NOB1: variants seen among roughly 807,000 people sequenced by gnomAD.
NOB1 encodes NIN1 (RPN12) binding protein 1 homolog, also known as RNA-binding protein NOB1.
NOB1 carries 44 observed loss-of-function variants against 44.8 expected under a neutral mutation model. The ratio of observed to expected loss-of-function variants is 0.98; its 90% CI spans 0.77 to 1.26. The LOEUF (loss-of-function observed/expected upper bound fraction) is 1.26. Among genes scored for constraint, NOB1 ranks in the 50% most tolerant of loss-of-function variants. The pLI is 0.00. For missense variants in NOB1, 560 were observed against 544.8 expected, an observed-to-expected ratio of 1.03 and a Z score of -0.28; for synonymous variants, 238 against 218.7, an observed-to-expected ratio of 1.09 and a Z score of -0.78.
chr16:69,749,490 A>C, intron 4 of NOB1, 69 bp downstream of exon 4: 1 of 1,544,812 alleles, frequency 6.5e-7, no homozygotes, highest in Non-Finnish European at 8.9e-7. Context: ...CACTGTGAAG[A>C]GATGACTTAG....
intron 2 of NOB1, 132 bp downstream of exon 2, chr16:69,754,462 C>T: frequency 7.9e-7 from 1 of 1,272,570 alleles, no homozygotes; most frequent in Non-Finnish European, 1.1e-6. Flanking sequence ...TCTCCTACCA[C>T]AATCTCCTAG....
At chr16:69,753,441 G>A (rs1219539893) in intron 2 of NOB1, among the ~76,000 whole-genome samples, 1 of 152,188 alleles carries the variant, frequency 6.6e-6, no homozygotes, top group Non-Finnish European at 1.5e-5. Context: ...GGAACACTAG[G>A]TATATTGCTC....
chr16:69,749,418 A>G, intron 4 of NOB1, 80 bp from the exon 5 acceptor site: 1 of 1,564,806 alleles, frequency 6.4e-7, no homozygotes, highest in Non-Finnish European at 8.7e-7. Flanking sequence ...ATCACATATG[A>G]TATACAAGTC....
intron 2 of NOB1, among the ~76,000 whole-genome samples, chr16:69,752,965 C>T (rs1003227122): frequency 6.6e-6 from 1 of 151,718 alleles, no homozygotes; most frequent in Non-Finnish European, 1.5e-5. Context: ...GGCGTGGTGG[C>T]TCACACCTCA....
chr16:69,748,990 C>T lies in NOB1; in HGVS notation c.654G>A (p.Gln218=). Residue 218 remains glutamine (Q), a synonymous_variant, in exon 6 of 9, where the codon CAG becomes CAA. Coordinates refer to ENST00000268802, the MANE Select transcript of NOB1 (RefSeq NM_014062.3). ...WITPSNIKQI[Q]QELEQCDVPE... The stretch of plus-strand genomic sequence containing the variant: ...GGACGTCACACTGCTCCAGCTCCTG[C>T]TGGATCTGCTTGATGTTACTGGGGG... The T allele has an allele frequency of 6.2e-7, 1 of 1,614,236 alleles. No individual in the cohort carries two copies. Among genetic ancestry groups the T allele is most frequent in the Non-Finnish European group, 8.5e-7 (1 of 1,180,034 alleles).
Position 69,752,266 on chromosome 16 carries a change from G to C in NOB1, c.302C>G (p.Ser101Cys). ...YQLEAEFVGVSHLKQEPQKVK... is the reference protein window; with the variant it reads ...YQLEAEFVGVCHLKQEPQKVK... The stretch of plus-strand genomic sequence containing the variant: ...CTTCTGTGGTTCTTGTTTTAGGTGA[G>C]ACACCCCAACAAACTCTGCTTCCAA... Residue 101 changes from serine (S) to cysteine (C), a missense_variant, in exon 3 of 9, where the codon TCT becomes TGT. Coordinates refer to ENST00000268802, the MANE Select transcript of NOB1 (RefSeq NM_014062.3). The C allele has an allele frequency of 6.2e-7, 1 of 1,612,382 alleles. No individual in the cohort carries two copies. The highest frequency in any genetic ancestry group is 8.5e-7 in the Non-Finnish European group (1 of 1,179,550).
chr16:69,748,801 T>G (rs1597616650), intron 6 of NOB1, 117 bp downstream of exon 6: 1 of 958,420 alleles, frequency 1.0e-6, no homozygotes, highest in East Asian at 2.7e-5. Flanking sequence ...GCACAGGTGG[T>G]TTCCAGAACC....
intron 7 of NOB1, among the ~76,000 whole-genome samples, chr16:69,745,331 T>C (rs1462595786): frequency 6.6e-6 from 1 of 152,184 alleles, no homozygotes; most frequent in Non-Finnish European, 1.5e-5. Flanking sequence ...CCTGGGAGGA[T>C]GGCACCGTCT....
intron 3 of NOB1, among the ~76,000 whole-genome samples, chr16:69,751,784 G>T (rs190902535): frequency 2.0e-5 from 3 of 152,226 alleles, no homozygotes; most frequent in Admixed American, 2.0e-4. Context: ...GGCTGAGGCC[G>T]GGCGCACTGG....
rs2038384556 is a variant in NOB1 at position 69,741,891 on chromosome 16, A to G, written c.*441T>C. On this transcript the variant is annotated 3_prime_UTR_variant, in exon 9 of 9. Coordinates refer to ENST00000268802, the MANE Select transcript of NOB1 (RefSeq NM_014062.3). ...AGAAATGGTAGTTCTTAGTTTTATT[A>G]TAACCTTGTATTTTCTGGCAAAAAT... is the stretch of plus-strand genomic sequence containing the variant. 1 of 156,098 alleles carries G rather than the reference A, an allele frequency of 6.4e-6. No individual in the cohort carries two copies. Among genetic ancestry groups the G allele is most frequent in the Non-Finnish European group, 1.4e-5 (1 of 70,708 alleles). The allele number at this position is 156,098 out of a possible 1,614,324, so 9.7% of individuals were successfully genotyped here.
Position 69,742,318 on chromosome 16 carries a change from C to T in NOB1, c.*14G>A, listed in dbSNP as rs766100688. The T allele has an allele frequency of 2.2e-4, 345 of 1,603,888 alleles. No individual in the cohort carries two copies. Among genetic ancestry groups the T allele is most frequent in the Middle Eastern group, 3.3e-4 (2 of 6,050 alleles). ...GCCAGACGCCCATCCAATTTGCCTG[C>T]GGGAACTCGCTCTTCACCTTTTCTT... On this transcript the variant is annotated 3_prime_UTR_variant, in exon 9 of 9. Coordinates refer to ENST00000268802, the MANE Select transcript of NOB1 (RefSeq NM_014062.3).
At position 69,753,022 on chromosome 16, in the gene NOB1, G is replaced by C. The variant is rs570291538; in HGVS notation, c.197-651C>G. Reference sequence around the variant, plus strand: ...AGATCACTTGAGGTCAGGAGTTCCAGACCAGCCTGGCCAACATGGTGAAAC... The same window carrying C: ...AGATCACTTGAGGTCAGGAGTTCCACACCAGCCTGGCCAACATGGTGAAAC... On this transcript the variant is annotated intron_variant, in intron 2 of 8. Coordinates refer to ENST00000268802, the MANE Select transcript of NOB1 (RefSeq NM_014062.3). Among the ~76,000 whole-genome samples, 22 of 152,276 alleles carry C rather than the reference G, an allele frequency of 1.4e-4. 1 individual carries two copies. The South Asian group carries it at 4.6e-3, about 32-fold the overall frequency.
At chr16:69,751,138 T>A (rs1203351145) in intron 3 of NOB1, among the ~76,000 whole-genome samples, 3 of 151,960 alleles carry the variant, frequency 2.0e-5, no homozygotes, top group Non-Finnish European at 4.4e-5. Flanking sequence ...CAGGCTGAAG[T>A]GCAGTGGTAT....
intron 3 of NOB1, among the ~76,000 whole-genome samples, chr16:69,750,981 C>T (rs1183490859): frequency 1.3e-5 from 2 of 152,180 alleles, no homozygotes; most frequent in East Asian, 3.8e-4. Context: ...TTCAACCTAG[C>T]CACAGTGGGT....
intron 3 of NOB1, 98 bp downstream of exon 3, chr16:69,752,143 G>A: frequency 9.0e-7 from 1 of 1,109,076 alleles, no homozygotes; most frequent in South Asian, 1.3e-5. Context: ...AGGGGGGGAT[G>A]ATGGGAACCC....
intron 7 of NOB1, 137 bp from the exon 8 acceptor site, chr16:69,745,154 A>G: frequency 1.2e-6 from 1 of 850,142 alleles, no homozygotes; most frequent in Non-Finnish European, 1.8e-6. Context: ...ACAAAGACGG[A>G]GGCCACTGAA....
intron 8 of NOB1, among the ~76,000 whole-genome samples, chr16:69,743,589 C>T (rs2038403201): frequency 6.6e-6 from 1 of 152,140 alleles, no homozygotes; most frequent in Admixed American, 6.5e-5. Flanking sequence ...TAATCCAATC[C>T]CGAGGAAATA....
At chr16:69,747,184 G>GCA (rs2038439271) in intron 7 of NOB1, among the ~76,000 whole-genome samples, 1 of 132,566 alleles carries the variant, frequency 7.5e-6, no homozygotes. Context: ...TCGTGCCACT[G>GCA]CACTCCAGCC....
chr16:69,749,717 C>G (rs2038466568), intron 3 of NOB1, 87 bp from the exon 4 acceptor site: 2 of 972,684 alleles, frequency 2.1e-6, no homozygotes, highest in Admixed American at 5.2e-5. Flanking sequence ...ATGGCTCATG[C>G]CTGTAATCCC....
Sources: gnomAD v4.1 joint callset for allele counts (sites outside exome capture counted in the v4.1 genomes callset) on GRCh38, gnomAD v4.1.1 for gene constraint, MANE v1.5 for transcripts, NCBI Gene and HGNC (gene_info 2026-07-23, HGNC 2026-07-21) for gene names.